The following ZNF98 variants were observed in gnomAD, a reference collection of about 807,000 sequenced individuals.
ZNF98 encodes zinc finger protein 98.
In ZNF98, 8 loss-of-function variants were observed where a neutral mutation model predicts 12.8. That is an observed-to-expected ratio of 0.63 (90% CI 0.37 to 1.13). ZNF98 has a LOEUF of 1.13. ZNF98 is among the 50% of genes most tolerant of loss of function. The pLI is 0.01. For missense variants in ZNF98, 379 were observed against 666.1 expected, an observed-to-expected ratio of 0.57 and a Z score of 4.74; for synonymous variants, 112 against 223.5, an observed-to-expected ratio of 0.50 and a Z score of 4.45.
intron 3 of ZNF98, among the ~76,000 whole-genome samples, chr19:22,394,835 G>A (rs1969372086): frequency 6.6e-6 from 1 of 152,118 alleles, no homozygotes; most frequent in African/African-American, 2.4e-5. Flanking sequence ...TACAGCAGCA[G>A]AAAGACTGTG....
intron 1 of ZNF98, among the ~76,000 whole-genome samples, chr19:22,411,178 A>G (rs1969576664): frequency 6.6e-6 from 1 of 152,036 alleles, no homozygotes; most frequent in African/African-American, 2.4e-5. Context: ...GAGTAGCTGG[A>G]ACTACAGGCA....
At chr19:22,402,067 T>A (rs1444111360) in intron 3 of ZNF98, among the ~76,000 whole-genome samples, 1 of 147,834 alleles carries the variant, frequency 6.8e-6, no homozygotes, top group South Asian at 2.2e-4. Context: ...TCCCAGCTAC[T>A]CAGGAGGCTG....
In ZNF98 at chr19:22,391,485, A is replaced by G; in HGVS notation, c.*31T>C. On this transcript the variant is annotated 3_prime_UTR_variant, in exon 4 of 4. Transcript: ENST00000357774. ...TTACCTACAATCCAGTGTGATAACC[A>G]TTTAAAGGCTTTGTCACATTCATAT... 1.3e-6 allele frequency: 2 copies of G among 1,514,250 alleles called. No homozygotes were observed. Among genetic ancestry groups the G allele is most frequent in the Non-Finnish European group, 1.8e-6 (2 of 1,130,720 alleles). 93.8% of individuals were successfully genotyped at this position (1,514,250 alleles called of 1,614,324 possible). A position where few individuals can be genotyped will look rare whatever the true frequency, so the allele number is the denominator to read the frequency against.
At chr19:22,395,901 A>G (rs976873336) in intron 3 of ZNF98, among the ~76,000 whole-genome samples, 12 of 151,888 alleles carry the variant, frequency 7.9e-5, no homozygotes, top group African/African-American at 2.2e-4. Context: ...TCAAGTTGAG[A>G]ATAATACCAT....
At position 22,391,332 on chromosome 19, in the gene ZNF98, A is replaced by G; in HGVS notation, c.*184T>C. On this transcript the variant is annotated 3_prime_UTR_variant, in exon 4 of 4. Coordinates refer to ENST00000357774, the MANE Select transcript of ZNF98 (RefSeq NM_001098626.2). The stretch of plus-strand genomic sequence containing the variant: ...GTGTGCAGATATTAATCACTTTTTT[A>G]CTTTCTTTATATTTGTACATTTGTT... The G allele has an allele frequency of 7.9e-7, 1 of 1,272,552 alleles. No individual in the cohort carries two copies. The highest frequency in any genetic ancestry group is 1.1e-6 in the Non-Finnish European group (1 of 944,558). 78.8% of individuals were successfully genotyped at this position (1,272,552 alleles called of 1,614,324 possible). A position where few individuals can be genotyped will look rare whatever the true frequency, so the allele number is the denominator to read the frequency against.
chr19:22,395,105 G>A (rs979302520), intron 3 of ZNF98, among the ~76,000 whole-genome samples: 2 of 150,386 alleles, frequency 1.3e-5, no homozygotes, highest in African/African-American at 4.9e-5. Flanking sequence ...CGGAGAAGTG[G>A]AGGCTGCAGT....
intron 1 of ZNF98, among the ~76,000 whole-genome samples, chr19:22,416,146 A>AAAAAC (rs1357081272): frequency 1.6e-4 from 23 of 147,240 alleles, no homozygotes; most frequent in African/African-American, 5.3e-4. Flanking sequence ...TCCGTCTCAA[A>AAAAAC]AAAACAAAAC....
Position 22,411,167 on chromosome 19 carries a change from C to T in ZNF98, c.31-7655G>A, listed in dbSNP as rs111575423. 3.3e-3 allele frequency among the ~76,000 whole-genome samples: 507 copies of T among 152,228 alleles called. 4 individuals carry two copies. The highest frequency in any genetic ancestry group is 0.012 in the African/African-American group (492 of 41,550). On this transcript the variant is annotated intron_variant, in intron 1 of 3. Transcript: ENST00000357774. ...AAGCTGTTCTTCTGTCTCAGCCTTC[C>T]GAGTAGCTGGAACTACAGGCATGCG...
rs112711061 is a variant in ZNF98, at chr19:22,417,192, G to A, written c.30+5003C>T. ...TGCGGTGAGCCAAGATCGCGCCATC[G>A]CACTCCAGCTTGGGCAATAAGAGCA... On this transcript the variant is annotated intron_variant, in intron 1 of 3. Coordinates refer to ENST00000357774, the MANE Select transcript of ZNF98 (RefSeq NM_001098626.2). Among the ~76,000 whole-genome samples, 93 of 122,234 alleles carry A rather than the reference G, an allele frequency of 7.6e-4. 1 individual carries two copies. Among genetic ancestry groups the A allele is most frequent in the African/African-American group, 2.9e-3 (89 of 30,790 alleles). The allele number at this position is 122,234 out of a possible 152,430, so 80.2% of individuals were successfully genotyped here.
chr19:22,397,200 G>GTA (rs1210624954), intron 3 of ZNF98, among the ~76,000 whole-genome samples: 4 of 84,902 alleles, frequency 4.7e-5, no homozygotes, highest in African/African-American at 1.4e-4. Flanking sequence ...CTGTGTGTGT[G>GTA]TGTGTGTGTT....
intron 1 of ZNF98, among the ~76,000 whole-genome samples, chr19:22,418,521 CT>C (rs1378967714): frequency 6.6e-6 from 1 of 152,122 alleles, no homozygotes; most frequent in African/African-American, 2.4e-5. Context: ...AGTTGGTGCT[CT>C]TTTTTCTTAC....
chr19:22,417,229 CAAAAAAAAAAAAAAAAA>C (rs57152900), intron 1 of ZNF98, among the ~76,000 whole-genome samples: 1 of 45,482 alleles, frequency 2.2e-5, no homozygotes, highest in Admixed American at 3.7e-4. Context: ...AACTCCATCT[CAAAAAAAAAAAAAAAAA>C]AAAAAAAAAA....
intron 3 of ZNF98, among the ~76,000 whole-genome samples, chr19:22,398,961 C>A (rs1029044323): frequency 6.6e-6 from 1 of 152,122 alleles, no homozygotes; most frequent in African/African-American, 2.4e-5. Context: ...TAAAAACACA[C>A]ACACATATAA....
chr19:22,408,961 A>G (rs1196206374), intron 1 of ZNF98, among the ~76,000 whole-genome samples: 1 of 152,210 alleles, frequency 6.6e-6, no homozygotes, highest in Non-Finnish European at 1.5e-5. Context: ...TATGGAACCA[A>G]AAAAGAGCCC....
intron 1 of ZNF98, among the ~76,000 whole-genome samples, chr19:22,407,117 C>A (rs1161897289): frequency 6.6e-6 from 1 of 151,652 alleles, no homozygotes; most frequent in South Asian, 2.1e-4. Context: ...AGTGCAGTGG[C>A]GCGATCTTGG....
At chr19:22,395,079 A>G (rs1398652211) in intron 3 of ZNF98, among the ~76,000 whole-genome samples, 1 of 151,386 alleles carries the variant, frequency 6.6e-6, no homozygotes, top group Non-Finnish European at 1.5e-5. Flanking sequence ...AGCTGAGACC[A>G]GATAATCACT....
intron 1 of ZNF98, among the ~76,000 whole-genome samples, chr19:22,409,109 A>G (rs1969553116): frequency 6.6e-6 from 1 of 152,228 alleles, no homozygotes; most frequent in Non-Finnish European, 1.5e-5. Flanking sequence ...CCAATGGAGC[A>G]GAAAAGAGAC....
intron 3 of ZNF98, among the ~76,000 whole-genome samples, chr19:22,396,580 C>A (rs998198270): frequency 6.6e-6 from 1 of 151,976 alleles, no homozygotes; most frequent in African/African-American, 2.4e-5. Context: ...GACATACTTT[C>A]AACAGATTAA....
chr19:22,410,090 A>C (rs1206323456), intron 1 of ZNF98, among the ~76,000 whole-genome samples: 1 of 152,186 alleles, frequency 6.6e-6, no homozygotes, highest in Non-Finnish European at 1.5e-5. Context: ...AATTATTAAA[A>C]AGTCAGAAAC....
Sources: allele counts gnomAD v4.1 joint callset (sites outside exome capture counted in the v4.1 genomes callset), GRCh38; gene constraint gnomAD v4.1.1; transcripts MANE v1.5; gene names NCBI Gene and HGNC (gene_info 2026-07-23, HGNC 2026-07-21).